Variants in ZSCAN18 observed in about 807,000 individuals in gnomAD.
ZSCAN18 encodes zinc finger and SCAN domain-containing protein 18.
ZSCAN18 carries 16 observed loss-of-function variants against 31.1 expected under a neutral mutation model. The ratio of observed to expected loss-of-function variants is 0.51; its 90% confidence interval spans 0.35 to 0.78. The LOEUF is 0.78. Among genes scored for constraint, ZSCAN18 ranks in the 30% least tolerant of loss-of-function variants. ZSCAN18 has a pLI of 0.01. For missense variants in ZSCAN18, 731 were observed against 697.4 expected, an observed-to-expected ratio of 1.05 and a Z score of -0.54; for synonymous variants, 375 against 320.7, an observed-to-expected ratio of 1.17 and a Z score of -1.81.
At chr19:58,099,303 G>T (rs1389286476), upstream of ZSCAN18, among the ~76,000 whole-genome samples, 1 of 152,038 alleles carries the variant, frequency 6.6e-6, no homozygotes, top group Non-Finnish European at 1.5e-5. Context: ...AATCTAAGTA[G>T]TCCACTGCTA....
chr19:58,110,961 G>A (rs937566298), intron 1 of ZSCAN18, among the ~76,000 whole-genome samples: 7 of 152,116 alleles, frequency 4.6e-5, no homozygotes, highest in Admixed American at 1.3e-4. Flanking sequence ...GAGGTCAGGA[G>A]ATGGAGACCA....
chr19:58,102,776 T>C (rs1176419214), upstream of ZSCAN18, among the ~76,000 whole-genome samples: 1 of 152,204 alleles, frequency 6.6e-6, no homozygotes, highest in Admixed American at 6.5e-5. Context: ...CTTCTGATAT[T>C]ACTCTTATTT....
upstream of ZSCAN18, among the ~76,000 whole-genome samples, chr19:58,100,694 T>TCAGGAGGTCAAGACCAGCCTGGC (rs71188076): frequency 6.7e-6 from 1 of 148,704 alleles, no homozygotes; most frequent in African/African-American, 2.5e-5. Context: ...GATCACGAGG[T>TCAGGAGGTCAAGACCAGCCTGGC]CAACATGGTG....
At chr19:58,095,268 G>T (rs997087129) in intron 1 of ZSCAN18, among the ~76,000 whole-genome samples, 1 of 152,156 alleles carries the variant, frequency 6.6e-6, no homozygotes, top group Non-Finnish European at 1.5e-5. Flanking sequence ...ACCTTGCAGA[G>T]AACCTGTCTC....
chr19:58,098,269 G>C, upstream of ZSCAN18: 1 of 985,510 alleles, frequency 1.0e-6, no homozygotes, highest in East Asian at 1.1e-4. Context: ...GCCTCACCGC[G>C]GACTACGACT....
chr19:58,090,071 G>T lies in ZSCAN18; in HGVS notation c.197C>A (p.Thr66Asn), dbSNP rs2074379665. ...VYQEAAGPHQ[T>N]LARLHELCRQ... ...GCACAGCTCATGCAGCCGGGCCAGG[G>T]TCTGGTGGGGCCCGGCAGCCTCCTG... Residue 66 changes from threonine to asparagine, a missense_variant, in exon 2 of 7, where the codon ACC (threonine) becomes AAC (asparagine). Physicochemically the swap from Thr to Asn is moderately conservative, Grantham distance 65. Around this residue, in one of 4 missense-constraint regions of ZSCAN18, gnomAD observed 86 missense variants for 119.1 expected, o/e 0.72. Coordinates refer to ENST00000601144, the MANE Select transcript of ZSCAN18 (RefSeq NM_001145543.2). The surrounding 1 kb of genome is among the most constrained non-coding windows in gnomAD (Gnocchi z 4.7). 6.2e-7 allele frequency: 1 copy of T among 1,613,860 alleles called. No individual in the cohort carries two copies. The highest frequency in any genetic ancestry group is 8.5e-7 in the Non-Finnish European group (1 of 1,179,942).
Position 58,090,094 on chromosome 19 carries a change from C to T in ZSCAN18, c.174G>A (p.Gln58=), listed in dbSNP as rs546492168. The T allele has an allele frequency of 3.1e-5, 50 of 1,613,818 alleles. No homozygotes were observed. The South Asian group carries it at 5.1e-4, about 16-fold the overall frequency. ...SRLRFREFVY[Q]EAAGPHQTLA... ...GGGTCTGGTGGGGCCCGGCAGCCTC[C>T]TGGTAGACAAATTCCCGGAAACGCA... The change falls in exon 2 of 7, where the codon CAG becomes CAA. Residue 58 remains glutamine (Q), a synonymous_variant. Transcript: ENST00000601144. The surrounding 1 kb of genome is among the most constrained non-coding windows in gnomAD (Gnocchi z 4.7).
intron 6 of ZSCAN18, chr19:58,085,795 AC>A (rs35562793): frequency 0.16 from 48,329 of 296,200 alleles, 4,723 homozygotes; most frequent in Middle Eastern, 0.25. Context: ...CTAAGGCCAA[AC>A]CCCCCAGCGA....
Position 58,085,055 on chromosome 19 carries a change from G to A in ZSCAN18, c.1163C>T (p.Ser388Phe), listed in dbSNP as rs1259002136. 1 of 1,599,908 alleles carries A rather than the reference G, an allele frequency of 6.3e-7. No individual in the cohort carries two copies. Among genetic ancestry groups the A allele is most frequent in the South Asian group, 1.1e-5 (1 of 89,546 alleles). The change falls in exon 7 of 7, where the codon TCC (serine) becomes TTC (phenylalanine). Residue 388 changes from serine (S) to phenylalanine (F), a missense_variant. This residue lies in a region of ZSCAN18 where 597 missense variants were observed against 499.5 expected (regional missense o/e 1.20). Coordinates refer to ENST00000601144, the MANE Select transcript of ZSCAN18 (RefSeq NM_001145543.2). ...GGCCTCCAGCCCTGCGCTGTCGCCG[G>A]AGCTAGAGACGCCCTCGAGGCTCTG... ...DGQSLEGVSS[S>F]GDSAGLEAGQ... is the part of the protein sequence containing the mutation.
At chr19:58,097,983 G>A in intron 1 of ZSCAN18, 191 bp downstream of exon 1, 1 of 985,698 alleles carries the variant, frequency 1.0e-6, no homozygotes, top group Non-Finnish European at 1.2e-6. Flanking sequence ...GGGGGGACCC[G>A]GCCCCTGCCC....
rs753428531 is a variant in ZSCAN18 at position 58,085,004 on chromosome 19, G to A, written c.1214C>T (p.Pro405Leu). Residue 405 changes from proline (P) to leucine (L), a missense_variant, in exon 7 of 7, where the codon CCG becomes CTG. Coordinates refer to ENST00000601144, the MANE Select transcript of ZSCAN18 (RefSeq NM_001145543.2). ...ATAGGGCTTCCCGCGGGACAAGCCC[G>A]GCTCGTCAGCCCCAGGGCCCTGCCC... ...EAGQGPGADE[P>L]GLSRGKPYAC... 11 of 1,592,938 alleles carry A rather than the reference G, an allele frequency of 6.9e-6. No homozygotes were observed. The East Asian group carries it at 9.1e-5, about 13-fold the overall frequency.
intron 1 of ZSCAN18, among the ~76,000 whole-genome samples, chr19:58,110,817 G>A (rs2074676428): frequency 6.6e-6 from 1 of 152,166 alleles, no homozygotes; most frequent in Non-Finnish European, 1.5e-5. Context: ...GTATTTTCAT[G>A]AGTGTTCATA....
intron 1 of ZSCAN18, among the ~76,000 whole-genome samples, chr19:58,116,964 C>T (rs938427499): frequency 6.6e-6 from 1 of 152,086 alleles, no homozygotes; most frequent in Non-Finnish European, 1.5e-5. Context: ...CTTGGCTCAC[C>T]GCAACTTCCG....
chr19:58,102,670 G>C (rs1304925042), upstream of ZSCAN18, among the ~76,000 whole-genome samples: 1 of 150,064 alleles, frequency 6.7e-6, no homozygotes. Context: ...TACTGCATCG[G>C]ATATGTCAAT....
intron 1 of ZSCAN18, among the ~76,000 whole-genome samples, chr19:58,096,101 G>C (rs763226053): frequency 6.6e-6 from 1 of 152,124 alleles, no homozygotes; most frequent in African/African-American, 2.4e-5. Flanking sequence ...GTGCGGCAGC[G>C]TACATCTATA....
At chr19:58,102,027 TATAA>T (rs2074598396), upstream of ZSCAN18, among the ~76,000 whole-genome samples, 1 of 152,108 alleles carries the variant, frequency 6.6e-6, no homozygotes, top group African/African-American at 2.4e-5. Flanking sequence ...TGTTTTCTTT[TATAA>T]ATAAAAGCCT....
At position 58,089,591 on chromosome 19, in the gene ZSCAN18, G is replaced by A. The variant is rs8113430; in HGVS notation, c.403+274C>T. 9.9e-3 allele frequency among the ~76,000 whole-genome samples: 1,512 copies of A among 152,218 alleles called. 35 individuals are homozygous for A. The highest frequency in any genetic ancestry group is 0.033 in the African/African-American group (1,375 of 41,532). The stretch of plus-strand genomic sequence containing the variant: ...CAGTGAGCTGAGATTGCGCCACTGC[G>A]CTCCAGCCTAGTGACAGACTGAGAC... On this transcript the variant is annotated intron_variant, in intron 2 of 6. Coordinates refer to ENST00000601144, the MANE Select transcript of ZSCAN18 (RefSeq NM_001145543.2).
In ZSCAN18 at chr19:58,084,404, G is replaced by A; in HGVS notation, c.*281C>T. 2.5e-6 allele frequency: 1 copy of A among 402,820 alleles called. No homozygotes were observed. The highest frequency in any genetic ancestry group is 4.4e-6 in the Non-Finnish European group (1 of 227,654). The allele number at this position is 402,820 out of a possible 1,614,324, so 25.0% of individuals were successfully genotyped here. A position where few individuals can be genotyped will look rare whatever the true frequency, so the allele number is the denominator to read the frequency against. On this transcript the variant is annotated 3_prime_UTR_variant, in exon 7 of 7. Transcript: ENST00000601144. The surrounding 1 kb of genome is among the most constrained non-coding windows in gnomAD (Gnocchi z 4.5). ...GCACAATGTCAAATAACCTAGCATG[G>A]GGCGGCACTAAATGGCTGCAGGAAA...
upstream of ZSCAN18, among the ~76,000 whole-genome samples, chr19:58,101,072 A>G (rs1360453284): frequency 6.6e-6 from 1 of 150,914 alleles, no homozygotes; most frequent in East Asian, 1.9e-4. Context: ...CCAATACCAC[A>G]TTGGGTTACC....
Sources: allele counts gnomAD v4.1 joint callset (sites outside exome capture counted in the v4.1 genomes callset), GRCh38; gene constraint gnomAD v4.1.1; regional missense constraint gnomAD v4.1.1; non-coding constraint Gnocchi (gnomAD v3.1); transcripts MANE v1.5; gene names NCBI Gene and HGNC (gene_info 2026-07-23, HGNC 2026-07-21).